Variants in PPP2R1B observed in about 807,000 individuals in gnomAD.
PPP2R1B encodes serine/threonine-protein phosphatase 2A 65 kDa regulatory subunit A beta isoform.
Under a neutral mutation model 72.7 loss-of-function variants are expected in PPP2R1B, and 58 were observed. The ratio of observed to expected loss-of-function variants is 0.80; its 90% CI spans 0.65 to 0.99. PPP2R1B has a LOEUF of 0.99. Ranked by LOEUF, PPP2R1B falls within the 50% of genes least tolerant of loss-of-function variation. The pLI is 0.00. For missense variants in PPP2R1B, 695 were observed against 733.6 expected (o/e 0.95, Z 0.61); for synonymous variants, 256 against 264.6 (o/e 0.97, Z 0.32).
chr11:111,751,462 A>T (rs1335807523), intron 10 of PPP2R1B, among the ~76,000 whole-genome samples: 2 of 152,200 alleles, frequency 1.3e-5, no homozygotes, highest in East Asian at 3.8e-4. Context: ...AAAAATCCAA[A>T]ATGTGAAATG....
the PPP2R1B span, among the ~76,000 whole-genome samples, chr11:111,698,596 G>A: frequency 6.6e-6 from 1 of 152,274 alleles, no homozygotes; most frequent in Admixed American, 6.5e-5. Flanking sequence ...ACAAAAATTA[G>A]CCTGGTGTGG....
chr11:111,722,870 T>G (rs1217289929), downstream of PPP2R1B: 1 of 946,308 alleles, frequency 1.1e-6, no homozygotes, highest in East Asian at 2.5e-5. This position sits in a 1 kb window ranked among gnomAD's most constrained non-coding sequence, Gnocchi z 4.4. Flanking sequence ...ATAGGTTTTC[T>G]GCGTGTGTCA....
the PPP2R1B span, among the ~76,000 whole-genome samples, chr11:111,719,544 T>C: frequency 6.6e-6 from 1 of 152,220 alleles, no homozygotes; most frequent in Admixed American, 6.5e-5. Flanking sequence ...CAGAGAAACC[T>C]GGGCAGCAGT....
the PPP2R1B span, among the ~76,000 whole-genome samples, chr11:111,704,171 C>T: frequency 6.6e-6 from 1 of 152,182 alleles, no homozygotes; most frequent in South Asian, 2.1e-4. Flanking sequence ...GCTTTGCTCA[C>T]TTTGCGCCCA....
the PPP2R1B span, chr11:111,703,403 G>T: frequency 6.2e-7 from 1 of 1,613,842 alleles, no homozygotes; most frequent in Non-Finnish European, 8.5e-7. Context: ...CCTTGGAATA[G>T]ATCAGCAGAA....
At chr11:111,760,312 A>G (rs1945278162) in intron 4 of PPP2R1B, among the ~76,000 whole-genome samples, 1 of 152,088 alleles carries the variant, frequency 6.6e-6, no homozygotes, top group South Asian at 2.1e-4. Context: ...CCTTCTGAGT[A>G]GCTAGAAATA....
rs1047758863 is a variant in PPP2R1B at position 111,755,931 on chromosome 11, G to A, written c.688-481C>T. Among the ~76,000 whole-genome samples, 13 of 151,444 alleles carry A rather than the reference G, an allele frequency of 8.6e-5. No individual in the cohort carries two copies. In the East Asian group the frequency reaches 1.6e-3, roughly 18 times the overall value. The stretch of plus-strand genomic sequence containing the variant: ...TATCTTGAAAGAGCTGCTCCCGGCC[G>A]GGCCCAGTGGCTCACGTCTGTAATA... On this transcript the variant is annotated intron_variant, in intron 5 of 14. Coordinates refer to ENST00000527614, the MANE Select transcript of PPP2R1B (RefSeq NM_002716.5).
chr11:111,699,052 G>A, the PPP2R1B span, among the ~76,000 whole-genome samples: 1 of 152,182 alleles, frequency 6.6e-6, no homozygotes, highest in African/African-American at 2.4e-5. Context: ...GTCCATATGA[G>A]ATATGATGTT....
downstream of PPP2R1B, chr11:111,735,297 G>A (rs2136020446): frequency 6.6e-6 from 1 of 152,368 alleles, no homozygotes; most frequent in East Asian, 1.9e-4. Context: ...TCGGCATGGA[G>A]ACTGAATGTC....
the PPP2R1B span, among the ~76,000 whole-genome samples, chr11:111,702,449 T>A: frequency 6.6e-6 from 1 of 151,956 alleles, no homozygotes; most frequent in Non-Finnish European, 1.5e-5. Flanking sequence ...ATTAGCCGGG[T>A]GTGGTGGCAT....
intron 10 of PPP2R1B, among the ~76,000 whole-genome samples, chr11:111,751,057 T>C (rs1011887763): frequency 6.6e-6 from 1 of 152,218 alleles, no homozygotes; most frequent in Non-Finnish European, 1.5e-5. Context: ...CAGGCTGGTC[T>C]GGAACTCCTA....
At chr11:111,721,143 G>A in the PPP2R1B span, 3 of 1,485,118 alleles carry the variant, frequency 2.0e-6, no homozygotes, top group Non-Finnish European at 1.8e-6. Context: ...TTTTCACTTA[G>A]AGGATTTCCT....
the PPP2R1B span, chr11:111,688,175 C>A: frequency 6.2e-7 from 1 of 1,613,932 alleles, no homozygotes; most frequent in Non-Finnish European, 8.5e-7. The surrounding 1 kb of genome is among the most constrained non-coding windows in gnomAD (Gnocchi z 4.2). Flanking sequence ...AACTGGGACA[C>A]AACTGGCTCT....
the PPP2R1B span, among the ~76,000 whole-genome samples, chr11:111,708,658 A>C: frequency 6.6e-6 from 1 of 152,090 alleles, no homozygotes; most frequent in East Asian, 1.9e-4. Context: ...ATCACAGCTC[A>C]CTTTAGCCTC....
chr11:111,719,673 A>T, the PPP2R1B span: 1 of 1,134,322 alleles, frequency 8.8e-7, no homozygotes, highest in Non-Finnish European at 1.3e-6. Flanking sequence ...TAAATATTTT[A>T]CTTAATTTCT....
the PPP2R1B span, among the ~76,000 whole-genome samples, chr11:111,714,362 A>C: frequency 6.6e-6 from 1 of 152,236 alleles, no homozygotes; most frequent in Admixed American, 6.5e-5. Context: ...CAGTTGAAAC[A>C]ACTGAAGGAA....
At position 111,742,627 on chromosome 11, in the gene PPP2R1B, C is replaced by T. The variant is rs140264995; in HGVS notation, c.1593G>A (p.Lys531=). 6.2e-7 allele frequency: 1 copy of T among 1,613,514 alleles called. No homozygotes were observed. Among genetic ancestry groups the T allele is most frequent in the Admixed American group, 1.7e-5 (1 of 60,006 alleles). Residue 531 remains lysine (K), a synonymous_variant, in exon 13 of 15, where the codon AAG becomes AAA. Coordinates refer to ENST00000527614, the MANE Select transcript of PPP2R1B (RefSeq NM_002716.5). ...TTTTTAATACGATGGGCAGCATTTG[C>T]TTAGTAGTTATTTCCTGACCACAGG... ...SEACGQEITT[K]QMLPIVLKMA...
At chr11:111,745,525 TCTGA>T (rs892781808) in intron 11 of PPP2R1B, among the ~76,000 whole-genome samples, 190 of 152,328 alleles carry the variant, frequency 1.2e-3, no homozygotes, top group African/African-American at 4.1e-3. Context: ...TCTTGGTTCC[TCTGA>T]CTGTTTTCAG....
At chr11:111,721,109 G>C in the PPP2R1B span, 1 of 1,568,148 alleles carries the variant, frequency 6.4e-7, no homozygotes, top group African/African-American at 1.4e-5. Context: ...AGGATGAGGT[G>C]TGAGTTTGTC....
Sources: allele counts gnomAD v4.1 joint callset (sites outside exome capture counted in the v4.1 genomes callset), GRCh38; gene constraint gnomAD v4.1.1; non-coding constraint Gnocchi (gnomAD v3.1); transcripts MANE v1.5; gene names NCBI Gene and HGNC (gene_info 2026-07-23, HGNC 2026-07-21).